Variants in PGR observed in about 807,000 individuals in gnomAD.
PGR encodes the protein progesterone receptor, also known as nuclear receptor subfamily 3 group C member 3.
Under a neutral mutation model 76.1 loss-of-function variants are expected in PGR, and 25 were observed. That is an observed-to-expected ratio of 0.33 (90% CI 0.24 to 0.46). The LOEUF is 0.46. Ranked by LOEUF, PGR falls within the 20% of genes least tolerant of loss-of-function variation. PGR has a pLI of 1.00. For missense variants in PGR, 1,172 were observed against 1,225.3 expected (o/e 0.96, Z 0.65); for synonymous variants, 579 against 535.0 (o/e 1.08, Z -1.14).
intron 3 of PGR, 39 bp downstream of exon 3, chr11:101,091,721 G>T: frequency 2.0e-6 from 2 of 989,762 alleles, no homozygotes; most frequent in Non-Finnish European, 3.3e-6. Context: ...ATAGTATAAA[G>T]ATTACACAGT....
chr11:101,070,586 C>T (rs547827237), intron 3 of PGR, among the ~76,000 whole-genome samples: 2 of 152,288 alleles, frequency 1.3e-5, no homozygotes, highest in South Asian at 4.1e-4. Context: ...TTGAAATTCT[C>T]GCTGCCAGCA....
At chr11:101,072,007 AC>A (rs1290596434) in intron 3 of PGR, among the ~76,000 whole-genome samples, 1 of 152,074 alleles carries the variant, frequency 6.6e-6, no homozygotes, top group African/African-American at 2.4e-5. Context: ...GAGAAGAGCA[AC>A]CCCAAGACAC....
chr11:101,081,667 A>G (rs1307320228), intron 3 of PGR, among the ~76,000 whole-genome samples: 3 of 152,186 alleles, frequency 2.0e-5, no homozygotes, highest in African/African-American at 7.2e-5. Flanking sequence ...ATGCTTCATA[A>G]GTGCAGGACA....
chr11:101,067,885 T>C (rs1183219482), intron 3 of PGR, among the ~76,000 whole-genome samples: 4 of 151,470 alleles, frequency 2.6e-5, no homozygotes, highest in African/African-American at 2.4e-5. Context: ...AAAAAACATC[T>C]CAAAACTAAA....
At position 101,128,984 on chromosome 11, in the gene PGR, A is replaced by T. The variant is rs754528074; in HGVS notation, c.87T>A (p.Cys29Ter). 6.3e-7 allele frequency: 1 copy of T among 1,598,084 alleles called. No homozygotes were observed. Among genetic ancestry groups the T allele is most frequent in the Admixed American group, 1.7e-5 (1 of 59,128 alleles). The part of the protein sequence containing the change: ...PSPEVGSPLL[C>*]RPAAGPFPGS... ...CCGGGAACGGACCTGCGGCTGGGCG[A>T]CACAGCAGTGGGGATCCGACCTCGG... The change falls in exon 1 of 8, where the codon TGT becomes TGA. Residue 29 changes from cysteine to a stop codon, truncating the protein, a stop_gained. Transcript: ENST00000325455. LOFTEE classifies it high-confidence loss of function.
At chr11:101,080,864 A>G (rs1230912720) in intron 3 of PGR, among the ~76,000 whole-genome samples, 3 of 152,148 alleles carry the variant, frequency 2.0e-5, no homozygotes, top group Non-Finnish European at 4.4e-5. Context: ...GACTGGATCA[A>G]GCAGAAGAAA....
intron 3 of PGR, chr11:101,064,053 G>A (rs1860610491): frequency 6.6e-6 from 1 of 152,060 alleles, no homozygotes; most frequent in African/African-American, 2.4e-5. Flanking sequence ...GGAATGGCCA[G>A]GCATGGTGAG....
intron 2 of PGR, among the ~76,000 whole-genome samples, chr11:101,111,327 C>A (rs1038215077): frequency 6.6e-6 from 1 of 152,096 alleles, no homozygotes; most frequent in African/African-American, 2.4e-5. Flanking sequence ...AGGTTCACTG[C>A]TTTAGGGAAT....
intron 2 of PGR, among the ~76,000 whole-genome samples, chr11:101,105,132 T>C (rs778057660): frequency 2.0e-5 from 3 of 152,198 alleles, no homozygotes; most frequent in Non-Finnish European, 4.4e-5. Flanking sequence ...TAGTAGATAG[T>C]ACAATCAGAG....
In PGR at chr11:101,128,697, C is replaced by T. The variant is rs780204100; in HGVS notation, c.374G>A (p.Gly125Glu). 1.2e-5 allele frequency: 19 copies of T among 1,605,608 alleles called. No homozygotes were observed. Among genetic ancestry groups the T allele is most frequent in the Non-Finnish European group, 1.6e-5 (19 of 1,176,838 alleles). The change falls in exon 1 of 8, where the codon GGG becomes GAG. Residue 125 changes from glycine to glutamate, a missense_variant. Around this residue, in one of 4 missense-constraint regions of PGR, gnomAD observed 893 missense variants for 785.9 expected, o/e 1.14. Coordinates refer to ENST00000325455, the MANE Select transcript of PGR (RefSeq NM_000926.4). ...GGCGGGAGGGCTGGGTTGGCTCTGC[C>T]CGGGACCTGAGGGCGCCAACAGAGT... ...LDTLLAPSGPGQSQPSPPACE... is the reference protein window; with the variant it reads ...LDTLLAPSGPEQSQPSPPACE...
At chr11:101,082,587 C>T (rs1230089373) in intron 3 of PGR, among the ~76,000 whole-genome samples, 2 of 152,184 alleles carry the variant, frequency 1.3e-5, no homozygotes, top group African/African-American at 4.8e-5. Flanking sequence ...GAGTAAAGGT[C>T]ACTCTTGCTA....
At chr11:101,091,739 T>A (rs751373581) in intron 3 of PGR, 21 bp downstream of exon 3, 1 of 1,089,262 alleles carries the variant, frequency 9.2e-7, no homozygotes, top group Non-Finnish European at 1.4e-6. Context: ...AGTATATTAT[T>A]GATGAAAACA....
At chr11:101,085,041 T>A (rs1861445811) in intron 3 of PGR, among the ~76,000 whole-genome samples, 1 of 152,074 alleles carries the variant, frequency 6.6e-6, no homozygotes, top group African/African-American at 2.4e-5. Context: ...GGCAGAAGAC[T>A]AACAAAGAAA....
intron 2 of PGR, among the ~76,000 whole-genome samples, chr11:101,122,476 T>A (rs1862710373): frequency 6.6e-6 from 1 of 152,184 alleles, no homozygotes; most frequent in African/African-American, 2.4e-5. Context: ...CATACCAGGT[T>A]AGTAGTCTGC....
intron 3 of PGR, among the ~76,000 whole-genome samples, chr11:101,068,026 T>C (rs1411104218): frequency 1.3e-5 from 2 of 152,150 alleles, no homozygotes; most frequent in Non-Finnish European, 2.9e-5. Flanking sequence ...GGAAGAAATA[T>C]GCAATCAATT....
intron 2 of PGR, among the ~76,000 whole-genome samples, chr11:101,122,956 C>T (rs1231229890): frequency 6.6e-6 from 1 of 152,150 alleles, no homozygotes; most frequent in Admixed American, 6.5e-5. Context: ...TTTTACCTTC[C>T]TAGATGTTTC....
chr11:101,052,346 T>C (rs1860123933), intron 4 of PGR, among the ~76,000 whole-genome samples: 1 of 150,980 alleles, frequency 6.6e-6, no homozygotes, highest in Admixed American at 6.6e-5. Flanking sequence ...GTGAATGCTT[T>C]GGTCTTTCAT....
In PGR at chr11:101,034,998, A is replaced by G; in HGVS notation, c.*4118T>C. The G allele has an allele frequency of 5.1e-6, 1 of 197,438 alleles. No individual in the cohort carries two copies. Among genetic ancestry groups the G allele is most frequent in the East Asian group, 7.9e-5 (1 of 12,610 alleles). The allele number at this position is 197,438 out of a possible 1,614,324, so 12.2% of individuals were successfully genotyped here. A position where few individuals can be genotyped will look rare whatever the true frequency, so the allele number is the denominator to read the frequency against. The stretch of plus-strand genomic sequence containing the variant: ...TTTCATTAAAATGATTTCATGACTT[A>G]GTGAAGTAAGGATAAGCAATTTAGG... On this transcript the variant is annotated 3_prime_UTR_variant, in exon 8 of 8. Transcript: ENST00000325455.
Position 101,127,879 on chromosome 11 carries a change from C to A in PGR, c.1192G>T (p.Ala398Ser), listed in dbSNP as rs747217871. 2 of 1,602,354 alleles carry A rather than the reference C, an allele frequency of 1.2e-6. No individual in the cohort carries two copies. The highest frequency in any genetic ancestry group is 1.7e-6 in the Non-Finnish European group (2 of 1,177,642). ...ACAAGGTAGGAACGCGGGGAGCGCG[C>A]GGAGGCCTCCGCGCCTTCCTCCTCC... Reference protein sequence around the residue: ...KEEEEGAEASARSPRSYLVAG... With the variant: ...KEEEEGAEASSRSPRSYLVAG... Residue 398 changes from alanine to serine, a missense_variant, in exon 1 of 8, where the codon GCG becomes TCG. Coordinates refer to ENST00000325455, the MANE Select transcript of PGR (RefSeq NM_000926.4).
Sources: allele counts gnomAD v4.1 joint callset (sites outside exome capture counted in the v4.1 genomes callset), GRCh38; gene constraint gnomAD v4.1.1; regional missense constraint gnomAD v4.1.1; transcripts MANE v1.5; gene names NCBI Gene and HGNC (gene_info 2026-07-23, HGNC 2026-07-21).